Variants in APBB1IP observed in about 807,000 individuals in gnomAD.
APBB1IP encodes amyloid beta precursor protein binding family B member 1 interacting protein.
Under a neutral mutation model 64.9 loss-of-function variants are expected in APBB1IP, and 27 were observed. That is an observed-to-expected ratio of 0.42 (90% CI 0.31 to 0.57). APBB1IP has a LOEUF of 0.57. Ranked by LOEUF, APBB1IP falls within the 20% of genes least tolerant of loss-of-function variation. The pLI is 0.20. For missense variants in APBB1IP, 812 were observed against 845.5 expected, an observed-to-expected ratio of 0.96 and a Z score of 0.49; for synonymous variants, 392 against 331.0, an observed-to-expected ratio of 1.18 and a Z score of -2.00.
rs1357640897 is a variant in APBB1IP at position 26,567,031 on chromosome 10, G to A, written c.1544G>A (p.Ser515Asn). 6.5e-7 allele frequency: 1 copy of A among 1,549,960 alleles called. No individual in the cohort carries two copies. The highest frequency in any genetic ancestry group is 1.1e-5 in the South Asian group (1 of 87,190). ...VPRAPHAPKS[S>N]LPPPPPVRRS... ...CGGGCCCCGCACGCCCCCAAGTCCA[G>A]CCTGCCCCCGCCCCCTCCGGTGCGG... is the stretch of plus-strand genomic sequence containing the variant. The change falls in exon 15 of 15, where the codon AGC becomes AAC. Residue 515 changes from serine to asparagine, a missense_variant. Coordinates refer to ENST00000376236, the MANE Select transcript of APBB1IP (RefSeq NM_019043.4).
chr10:26,538,405 G>A (rs994758198), intron 10 of APBB1IP, among the ~76,000 whole-genome samples: 1 of 151,874 alleles, frequency 6.6e-6, no homozygotes, highest in Non-Finnish European at 1.5e-5. Context: ...CACTTTGGGA[G>A]GCCGAGGCGG....
chr10:26,473,629 G>T (rs566557594), intron 2 of APBB1IP, among the ~76,000 whole-genome samples: 1 of 152,260 alleles, frequency 6.6e-6, no homozygotes, highest in Admixed American at 6.5e-5. Flanking sequence ...TACATCATAG[G>T]TGACCCCCGT....
chr10:26,484,818 C>T (rs761137288), intron 2 of APBB1IP, among the ~76,000 whole-genome samples: 1 of 149,756 alleles, frequency 6.7e-6, no homozygotes, highest in Non-Finnish European at 1.5e-5. Flanking sequence ...GAAATTGTAA[C>T]ACATTATTGT....
chr10:26,477,506 T>C (rs570287590), intron 2 of APBB1IP, among the ~76,000 whole-genome samples: 1 of 152,300 alleles, frequency 6.6e-6, no homozygotes, highest in African/African-American at 2.4e-5. Flanking sequence ...AGTGGTTTAT[T>C]CATTCATTGT....
chr10:26,449,163 C>T (rs1244528050), intron 2 of APBB1IP, among the ~76,000 whole-genome samples: 1 of 152,150 alleles, frequency 6.6e-6, no homozygotes, highest in East Asian at 1.9e-4. Context: ...TTACAGATGT[C>T]CTTCCAGTGG....
chr10:26,513,493 C>T (rs1286081746), intron 7 of APBB1IP, 46 bp from the exon 8 acceptor site: 1 of 1,603,924 alleles, frequency 6.2e-7, no homozygotes. Flanking sequence ...CACTTGGAAA[C>T]CCTGATGTCT....
intron 11 of APBB1IP, 44 bp from the exon 12 acceptor site, chr10:26,560,061 T>G: frequency 6.5e-7 from 1 of 1,537,456 alleles, no homozygotes; most frequent in Non-Finnish European, 9.0e-7. Context: ...GACCTCCTAA[T>G]ACATGACAAG....
chr10:26,461,456 GT>G (rs762264592), intron 2 of APBB1IP, among the ~76,000 whole-genome samples: 1 of 151,410 alleles, frequency 6.6e-6, no homozygotes, highest in Non-Finnish European at 1.5e-5. Context: ...TTTTCCGTTG[GT>G]TTATTTATGT....
chr10:26,503,148 C>G, intron 5 of APBB1IP, 49 bp from the exon 6 acceptor site: 1 of 1,565,238 alleles, frequency 6.4e-7, no homozygotes, highest in Non-Finnish European at 8.8e-7. Context: ...TGATTACTCA[C>G]TGGTATTACT....
intron 11 of APBB1IP, among the ~76,000 whole-genome samples, chr10:26,558,971 G>A (rs1021555573): frequency 2.0e-5 from 3 of 152,158 alleles, no homozygotes; most frequent in Non-Finnish European, 4.4e-5. Flanking sequence ...TCTCCAGGGT[G>A]TCCATCTGGA....
At chr10:26,495,544 G>A (rs1836010289) in intron 3 of APBB1IP, among the ~76,000 whole-genome samples, 2 of 151,432 alleles carry the variant, frequency 1.3e-5, no homozygotes. Flanking sequence ...CAAGACAGGA[G>A]GCTCACATGA....
intron 2 of APBB1IP, among the ~76,000 whole-genome samples, chr10:26,460,937 G>C (rs1277147177): frequency 6.6e-6 from 1 of 152,142 alleles, no homozygotes; most frequent in Non-Finnish European, 1.5e-5. Flanking sequence ...TTCCACATTG[G>C]CTTTCACTTC....
At chr10:26,541,220 C>T (rs917429688) in intron 10 of APBB1IP, among the ~76,000 whole-genome samples, 10 of 152,074 alleles carry the variant, frequency 6.6e-5, no homozygotes, top group African/African-American at 9.7e-5. Flanking sequence ...ATATGCATAA[C>T]GTACATAGTG....
intron 2 of APBB1IP, among the ~76,000 whole-genome samples, 177 bp downstream of exon 2, chr10:26,439,030 C>T (rs773043085): frequency 1.3e-5 from 2 of 152,126 alleles, no homozygotes; most frequent in Non-Finnish European, 2.9e-5. Flanking sequence ...CCCAGGGTCC[C>T]CTCCGCTGAT....
intron 2 of APBB1IP, among the ~76,000 whole-genome samples, chr10:26,444,888 A>G (rs961884340): frequency 6.6e-6 from 1 of 152,078 alleles, no homozygotes; most frequent in African/African-American, 2.4e-5. Context: ...TCATGAGGTC[A>G]AGAGATCAAG....
chr10:26,536,354 G>T, intron 10 of APBB1IP, 137 bp downstream of exon 10: 1 of 917,198 alleles, frequency 1.1e-6, no homozygotes, highest in Non-Finnish European at 1.6e-6. Context: ...ATACAAATAG[G>T]ACAGTATTAT....
At chr10:26,566,408 C>T (rs1049034638) in intron 14 of APBB1IP, among the ~76,000 whole-genome samples, 1 of 152,104 alleles carries the variant, frequency 6.6e-6, no homozygotes, top group African/African-American at 2.4e-5. Context: ...GCGTCTGCCA[C>T]CATACCAGGC....
intron 2 of APBB1IP, among the ~76,000 whole-genome samples, chr10:26,487,376 G>A (rs570551235): frequency 3.3e-4 from 50 of 152,198 alleles, no homozygotes; most frequent in South Asian, 2.9e-3. Flanking sequence ...TTGCAGGGAG[G>A]TCAATTATGT....
At chr10:26,488,043 A>C (rs751832146) in intron 2 of APBB1IP, among the ~76,000 whole-genome samples, 1 of 152,124 alleles carries the variant, frequency 6.6e-6, no homozygotes, top group Non-Finnish European at 1.5e-5. Context: ...ATTTTCTCAC[A>C]CTATTGTACT....
Sources: allele counts gnomAD v4.1 joint callset (sites outside exome capture counted in the v4.1 genomes callset), GRCh38; gene constraint gnomAD v4.1.1; transcripts MANE v1.5; gene names NCBI Gene and HGNC (gene_info 2026-07-23, HGNC 2026-07-21).